The following PKIB variants were observed in gnomAD, a reference collection of about 807,000 sequenced individuals.
The protein encoded by PKIB is PKI-beta.
A neutral mutation model predicts 4.5 loss-of-function variants in PKIB; 2 were observed. The ratio of observed to expected loss-of-function variants is 0.44; its 90% CI spans 0.18 to 1.39. PKIB has a LOEUF of 1.39. Among genes scored for constraint, PKIB ranks in the 40% most tolerant of loss-of-function variants. The probability of loss-of-function intolerance (pLI) is 0.27; values close to 1 mark genes in which losing one functional copy is unlikely to be tolerated. For synonymous variants in PKIB, 38 were observed against 36.0 expected (o/e 1.06, Z -0.20); for missense variants, 94 against 92.6 (o/e 1.02, Z -0.06).
intron 1 of PKIB, among the ~76,000 whole-genome samples, chr6:122,623,233 A>G (rs1186876001): frequency 1.3e-5 from 2 of 152,174 alleles, no homozygotes; most frequent in Non-Finnish European, 2.9e-5. Flanking sequence ...ATCACGTCTT[A>G]TTTTATTTTT....
At chr6:122,715,926 C>T (rs1027205610) in intron 3 of PKIB, among the ~76,000 whole-genome samples, 10 of 151,958 alleles carry the variant, frequency 6.6e-5, no homozygotes, top group Non-Finnish European at 1.3e-4. Context: ...GTCGCTTAAC[C>T]TCTCTGACCC....
At chr6:122,550,256 TGTCTAATATGAAAGTCTA>T (rs533666399) in intron 2 of PKIB, among the ~76,000 whole-genome samples, 1,829 of 152,226 alleles carry the variant, frequency 0.012, 40 homozygotes, top group African/African-American at 0.043. Context: ...ATATGAAATA[TGTCTAATATGAAAGTCTA>T]GTCTAATATG....
At chr6:122,581,859 C>T (rs1351872644) in intron 2 of PKIB, 3 of 152,126 alleles carry the variant, frequency 2.0e-5, no homozygotes, top group Non-Finnish European at 4.4e-5. Flanking sequence ...GATGATACTG[C>T]CATCTTTCTA....
At chr6:122,537,114 C>G (rs2114627989) in intron 2 of PKIB, among the ~76,000 whole-genome samples, 1 of 151,744 alleles carries the variant, frequency 6.6e-6, no homozygotes, top group African/African-American at 2.4e-5. Context: ...CTTCTTTATT[C>G]CTCCTAGTTG....
intron 4 of PKIB, among the ~76,000 whole-genome samples, chr6:122,724,512 A>C (rs941419877): frequency 1.3e-5 from 2 of 152,190 alleles, no homozygotes; most frequent in African/African-American, 4.8e-5. Context: ...TGCACTGGGC[A>C]CCAACAAATT....
intron 2 of PKIB, among the ~76,000 whole-genome samples, chr6:122,485,541 A>G (rs1487154563): frequency 5.3e-5 from 8 of 152,238 alleles, no homozygotes; most frequent in African/African-American, 1.9e-4. Flanking sequence ...TCAGGATAGC[A>G]TCAGTCGTGT....
chr6:122,505,712 T>A (rs1393102961), intron 2 of PKIB, among the ~76,000 whole-genome samples: 3 of 152,170 alleles, frequency 2.0e-5, no homozygotes, highest in African/African-American at 4.8e-5. Flanking sequence ...TCCCTTTTTT[T>A]AGATGATATT....
At chr6:122,553,478 C>CTTTTTT (rs1562249215) in intron 2 of PKIB, among the ~76,000 whole-genome samples, 1 of 48,928 alleles carries the variant, frequency 2.0e-5, no homozygotes, top group African/African-American at 1.2e-4. Flanking sequence ...GCTCAAATAT[C>CTTTTTT]TTCTTTTTTT....
intron 3 of PKIB, among the ~76,000 whole-genome samples, chr6:122,680,905 T>G (rs957806754): frequency 4.6e-5 from 7 of 152,238 alleles, no homozygotes; most frequent in African/African-American, 1.7e-4. Flanking sequence ...ACTATTAGGA[T>G]AGAATAAATT....
intron 2 of PKIB, among the ~76,000 whole-genome samples, chr6:122,506,244 T>A (rs1190212807): frequency 6.6e-6 from 1 of 152,124 alleles, no homozygotes; most frequent in African/African-American, 2.4e-5. Context: ...CAAGTAATAG[T>A]TTGATAATTA....
upstream of PKIB, among the ~76,000 whole-genome samples, chr6:122,608,369 A>AT (rs1774616401): frequency 6.6e-6 from 1 of 152,244 alleles, no homozygotes; most frequent in Non-Finnish European, 1.5e-5. Flanking sequence ...TTTGACACAA[A>AT]TTCACAATTC....
At chr6:122,564,171 G>A (rs1232166584) in intron 2 of PKIB, among the ~76,000 whole-genome samples, 1 of 152,116 alleles carries the variant, frequency 6.6e-6, no homozygotes. Context: ...CTGCAGTTGG[G>A]GCACTCACAG....
chr6:122,681,408 G>A (rs991901888), intron 3 of PKIB, among the ~76,000 whole-genome samples: 6 of 152,004 alleles, frequency 3.9e-5, no homozygotes, highest in South Asian at 4.1e-4. Flanking sequence ...TTCAGAAAAA[G>A]GACATTTCTT....
At chr6:122,623,113 A>G (rs561516194) in intron 1 of PKIB, among the ~76,000 whole-genome samples, 1 of 152,338 alleles carries the variant, frequency 6.6e-6, no homozygotes, top group East Asian at 1.9e-4. Context: ...GTGGGCCTGA[A>G]TGTCAGAGTA....
chr6:122,708,922 C>T (rs1158133537), intron 3 of PKIB, among the ~76,000 whole-genome samples: 2 of 152,178 alleles, frequency 1.3e-5, no homozygotes, highest in African/African-American at 4.8e-5. Flanking sequence ...CATGAGCCAT[C>T]ACGCCCAGCT....
At chr6:122,562,969 A>C (rs1218480486) in intron 2 of PKIB, among the ~76,000 whole-genome samples, 3 of 151,992 alleles carry the variant, frequency 2.0e-5, no homozygotes, top group Non-Finnish European at 2.9e-5. Flanking sequence ...CAGGTAAATC[A>C]AGGATTTCTT....
At chr6:122,654,238 G>A (rs758335654) in intron 2 of PKIB, among the ~76,000 whole-genome samples, 1 of 152,208 alleles carries the variant, frequency 6.6e-6, no homozygotes, top group Non-Finnish European at 1.5e-5. Flanking sequence ...TTCTTAGGAG[G>A]TTAGCTGATT....
intron 1 of PKIB, among the ~76,000 whole-genome samples, chr6:122,625,700 G>A (rs972648821): frequency 6.6e-6 from 1 of 151,866 alleles, no homozygotes; most frequent in African/African-American, 2.4e-5. Context: ...TGAAAATGTA[G>A]CAGTTGCCAA....
intron 1 of PKIB, among the ~76,000 whole-genome samples, chr6:122,613,080 G>GT (rs1169204637): frequency 6.6e-6 from 1 of 152,054 alleles, no homozygotes; most frequent in Non-Finnish European, 1.5e-5. Flanking sequence ...CTTGCCTAAT[G>GT]TTTTTTAATG....
Sources: gnomAD v4.1 joint callset for allele counts (sites outside exome capture counted in the v4.1 genomes callset) on GRCh38, gnomAD v4.1.1 for gene constraint, MANE v1.5 for transcripts, NCBI Gene and HGNC (gene_info 2026-07-23, HGNC 2026-07-21) for gene names.